LPP: variants seen among roughly 807,000 people sequenced by gnomAD.
LPP encodes the protein LIM domain containing preferred translocation partner in lipoma, also known as lipoma-preferred partner.
A neutral mutation model predicts 60.4 loss-of-function variants in LPP; 38 were observed. The observed-to-expected ratio is 0.63, with a 90% CI of 0.49 to 0.83. The LOEUF (loss-of-function observed/expected upper bound fraction) is 0.83, where lower values mean the gene tolerates loss of function less well. LPP is among the 40% of genes least tolerant of loss of function. The probability of loss-of-function intolerance (pLI) is 0.00; values close to 1 mark genes in which losing one functional copy is unlikely to be tolerated. For synonymous variants in LPP, 328 were observed against 290.8 expected (o/e 1.13, Z -1.30); for missense variants, 902 against 783.6 (o/e 1.15, Z -1.80).
intron 7 of LPP, among the ~76,000 whole-genome samples, chr3:188,630,684 AAAAG>A (rs1847702535): frequency 1.3e-5 from 2 of 152,200 alleles, no homozygotes; most frequent in African/African-American, 4.8e-5. Context: ...TTCTGCCATT[AAAAG>A]TAATGGCAGA....
chr3:188,726,927 T>C (rs896230515), intron 8 of LPP, among the ~76,000 whole-genome samples: 1 of 152,196 alleles, frequency 6.6e-6, no homozygotes, highest in Admixed American at 6.5e-5. Context: ...TCATTCAAAA[T>C]GCTGTGTAGT....
Position 188,393,047 on chromosome 3 carries a change from C to T in LPP, c.-9-13065C>T, listed in dbSNP as rs191718958. ...AGACACATTTTTTTTTTTCCTGCTCCAAATTAAGAATCAGGCAACATATTG... is the reference window on the plus strand; with the variant it reads ...AGACACATTTTTTTTTTTCCTGCTCTAAATTAAGAATCAGGCAACATATTG... On this transcript the variant is annotated intron_variant, in intron 3 of 11. Coordinates refer to ENST00000617246, the MANE Select transcript of LPP (RefSeq NM_001375462.1). Among the ~76,000 whole-genome samples the T allele has an allele frequency of 9.9e-5, 15 of 150,920 alleles. No individual in the cohort carries two copies. In the East Asian group the frequency reaches 2.7e-3, roughly 27 times the overall value.
In LPP at chr3:188,795,047, A is replaced by C. The variant is rs567408522; in HGVS notation, c.1410+34765A>C. On this transcript the variant is annotated intron_variant, in intron 9 of 11. Coordinates refer to ENST00000617246, the MANE Select transcript of LPP (RefSeq NM_001375462.1). ...CTACTCAGGAGGCTGAGGCAGGAGAATTGCTTGAACCCGGGAGGTGGAGGT... is the reference window on the plus strand; with the variant it reads ...CTACTCAGGAGGCTGAGGCAGGAGACTTGCTTGAACCCGGGAGGTGGAGGT... 7.2e-5 allele frequency among the ~76,000 whole-genome samples: 11 copies of C among 152,302 alleles called. No homozygotes were observed. In the South Asian group the frequency reaches 2.1e-3, roughly 29 times the overall value.
At chr3:188,767,464 T>C (rs1240130809) in intron 9 of LPP, among the ~76,000 whole-genome samples, 1 of 152,172 alleles carries the variant, frequency 6.6e-6, no homozygotes, top group Non-Finnish European at 1.5e-5. Context: ...ACACATTGCT[T>C]TTAGTCTTTG....
chr3:188,566,674 C>T (rs535319663), intron 6 of LPP, among the ~76,000 whole-genome samples: 10 of 151,898 alleles, frequency 6.6e-5, no homozygotes, highest in South Asian at 4.2e-4. Context: ...TAATCATATA[C>T]GAGAAGCTAA....
At chr3:188,245,460 G>T (rs1421559561) in intron 2 of LPP, among the ~76,000 whole-genome samples, 3 of 152,064 alleles carry the variant, frequency 2.0e-5, no homozygotes, top group Non-Finnish European at 2.9e-5. Context: ...ACAGATCCTG[G>T]CCCAGAGCCA....
At chr3:188,598,832 A>G (rs1019553207) in intron 6 of LPP, among the ~76,000 whole-genome samples, 1 of 152,170 alleles carries the variant, frequency 6.6e-6, no homozygotes, top group Non-Finnish European at 1.5e-5. Context: ...TTCAATTTTC[A>G]GTGCTACCAG....
chr3:188,592,808 G>A lies in LPP; in HGVS notation c.430-16353G>A, dbSNP rs529341507. Among the ~76,000 whole-genome samples, 176 of 151,844 alleles carry A rather than the reference G, an allele frequency of 1.2e-3. 1 individual carries two copies. The highest frequency in any genetic ancestry group is 4.1e-3 in the African/African-American group (170 of 41,416). On this transcript the variant is annotated intron_variant, in intron 6 of 11. Transcript: ENST00000617246. ...GCCTGCCTTGGCCTCCCAAAGCGCT[G>A]GTATTACAGGTGTCAGCCACTGTAC... is the stretch of plus-strand genomic sequence containing the variant.
At chr3:188,428,930 G>A (rs932682391) in intron 4 of LPP, among the ~76,000 whole-genome samples, 3 of 152,038 alleles carry the variant, frequency 2.0e-5, no homozygotes, top group Non-Finnish European at 4.4e-5. Context: ...ACCTGATCAC[G>A]TCTTTATAAT....
intron 4 of LPP, among the ~76,000 whole-genome samples, chr3:188,441,609 C>CTTTTTTGTTTTTTTTTTTTTTTTTTTTTT (rs1793904965): frequency 1.8e-5 from 1 of 55,652 alleles, no homozygotes; most frequent in Non-Finnish European, 3.4e-5. Flanking sequence ...CTTTTCTTTT[C>CTTTTTTGTTTTTTTTTTTTTTTTTTTTTT]TTTTTTTTTT....
chr3:188,171,942 TA>T (rs527941265), intron 1 of LPP, among the ~76,000 whole-genome samples: 86 of 152,332 alleles, frequency 5.6e-4, no homozygotes, highest in Non-Finnish European at 8.4e-4. Flanking sequence ...AGTAGCCGAC[TA>T]GAGGGCATGA....
At chr3:188,719,995 C>T (rs1428024814) in intron 8 of LPP, among the ~76,000 whole-genome samples, 2 of 152,200 alleles carry the variant, frequency 1.3e-5, no homozygotes, top group Non-Finnish European at 2.9e-5. Flanking sequence ...TCACTGCAAC[C>T]TCCACCTCCC....
intron 6 of LPP, among the ~76,000 whole-genome samples, chr3:188,576,807 T>C (rs1834727926): frequency 6.6e-6 from 1 of 152,218 alleles, no homozygotes; most frequent in Non-Finnish European, 1.5e-5. Context: ...CCATCACCAG[T>C]GAGCAGATTT....
chr3:188,159,204 G>C (rs1312812873), intron 1 of LPP, among the ~76,000 whole-genome samples: 6 of 152,204 alleles, frequency 3.9e-5, no homozygotes, highest in African/African-American at 4.8e-5. Context: ...CGGTAACGGT[G>C]CTATATGTTC....
At chr3:188,804,223 G>A (rs542226474) in intron 9 of LPP, among the ~76,000 whole-genome samples, 1 of 91,678 alleles carries the variant, frequency 1.1e-5, no homozygotes, top group East Asian at 3.9e-4. Flanking sequence ...AAAAAATTAT[G>A]TTTTCAATGT....
chr3:188,828,486 G>A (rs956041090), intron 9 of LPP, among the ~76,000 whole-genome samples: 1 of 151,356 alleles, frequency 6.6e-6, no homozygotes, highest in Non-Finnish European at 1.5e-5. Flanking sequence ...ATGGTGGCGG[G>A]CACCTGTAAT....
At chr3:188,360,312 T>C (rs1275285852) in intron 3 of LPP, among the ~76,000 whole-genome samples, 2 of 152,190 alleles carry the variant, frequency 1.3e-5, no homozygotes, top group Admixed American at 6.5e-5. Flanking sequence ...TTCTGTGGGC[T>C]TATGTTTATT....
rs184615729 is a variant in LPP at position 188,889,981 on chromosome 3, G to A, written c.*15502G>A. On this transcript the variant is annotated 3_prime_UTR_variant, in exon 12 of 12. Transcript: ENST00000617246. The stretch of plus-strand genomic sequence containing the variant: ...AATGTCATAAGGATGTTGGGATACA[G>A]AGATTTTTTTTTTCCTTGGAAACAA... The A allele has an allele frequency of 1.9e-5, 4 of 212,232 alleles. No homozygotes were observed. In the East Asian group the frequency reaches 2.8e-4, roughly 15 times the overall value. The allele number at this position is 212,232 out of a possible 1,614,324, so 13.1% of individuals were successfully genotyped here.
At chr3:188,247,435 C>A (rs1336589579) in intron 2 of LPP, among the ~76,000 whole-genome samples, 3 of 151,962 alleles carry the variant, frequency 2.0e-5, no homozygotes, top group Non-Finnish European at 2.9e-5. Flanking sequence ...ATAATTTTTT[C>A]TATAGATTGG....
Sources: gnomAD v4.1 joint callset for allele counts (sites outside exome capture counted in the v4.1 genomes callset) on GRCh38, gnomAD v4.1.1 for gene constraint, MANE v1.5 for transcripts, NCBI Gene and HGNC (gene_info 2026-07-23, HGNC 2026-07-21) for gene names.